The following CTBP2 variants were observed in gnomAD, a reference collection of about 807,000 sequenced individuals.
CTBP2 encodes C-terminal binding protein 2.
CTBP2 carries 30 observed loss-of-function variants against 80.3 expected under a neutral mutation model. The ratio of observed to expected loss-of-function variants is 0.37; its 90% CI spans 0.28 to 0.51. The LOEUF is 0.51. Ranked by LOEUF, CTBP2 falls within the 20% of genes least tolerant of loss-of-function variation. CTBP2 has a pLI of 0.93. For missense variants in CTBP2, 1,212 were observed against 1,375.3 expected, an observed-to-expected ratio of 0.88 and a Z score of 1.88; for synonymous variants, 594 against 587.4, an observed-to-expected ratio of 1.01 and a Z score of -0.16.
upstream of CTBP2, among the ~76,000 whole-genome samples, chr10:125,029,685 GGT>G (rs1367330553): frequency 6.6e-6 from 1 of 152,178 alleles, no homozygotes; most frequent in African/African-American, 2.4e-5. Context: ...CTCAAAGATG[GGT>G]GGATAAACTT....
chr10:125,135,657 C>T (rs1856864838), intron 1 of CTBP2, among the ~76,000 whole-genome samples: 1 of 152,214 alleles, frequency 6.6e-6, no homozygotes, highest in Non-Finnish European at 1.5e-5. Flanking sequence ...GGCACCTCAC[C>T]CTATGGAGCT....
At chr10:125,011,856 G>A (rs1300475503) in intron 1 of CTBP2, among the ~76,000 whole-genome samples, 1 of 152,240 alleles carries the variant, frequency 6.6e-6, no homozygotes, top group African/African-American at 2.4e-5. Context: ...AGGCACTGGT[G>A]GCTTTTTGGA....
At position 125,038,967 on chromosome 10, in the gene CTBP2, T is replaced by A. The variant is rs142112519; in HGVS notation, c.58+30A>T. On this transcript the variant is annotated intron_variant, in intron 3 of 10. Coordinates refer to the CTBP2 transcript ENST00000337195. ...AGATTTGAGTGAGGGACTACGTATG[T>A]TTGGTAAAAACCGCCAAACACGCTC... 1.5e-5 allele frequency: 24 copies of A among 1,610,192 alleles called. No individual in the cohort carries two copies. The East Asian group carries it at 5.1e-4, about 34-fold the overall frequency.
rs530234869 is a variant in CTBP2 at position 124,995,072 on chromosome 10, A to C, written c.2186-389T>G. ...TTCTTGTGTGCACTGCAGGCTTCTT[A>C]ACATGAGCTTTGTGTTTGAAAAACT... On this transcript the variant is annotated intron_variant, in intron 4 of 8. Transcript: ENST00000309035. Among the ~76,000 whole-genome samples the C allele has an allele frequency of 1.9e-4, 29 of 152,282 alleles. No homozygotes were observed. The South Asian group carries it at 5.6e-3, about 29-fold the overall frequency.
At chr10:125,003,766 C>T (rs756552146) in intron 1 of CTBP2, among the ~76,000 whole-genome samples, 4 of 152,174 alleles carry the variant, frequency 2.6e-5, no homozygotes, top group Non-Finnish European at 5.9e-5. Context: ...CATGGGGCCC[C>T]GAGGCCAGCA....
chr10:125,141,877 C>T (rs1225181723), intron 1 of CTBP2, among the ~76,000 whole-genome samples: 2 of 152,242 alleles, frequency 1.3e-5, no homozygotes, highest in African/African-American at 2.4e-5. Flanking sequence ...TCCAAAGCCA[C>T]TTCCCCCACA....
chr10:124,997,935 TG>T (rs766676059), intron 4 of CTBP2, 28 bp downstream of exon 6: 3 of 1,595,046 alleles, frequency 1.9e-6, no homozygotes, highest in South Asian at 1.1e-5. Context: ...TCGGAGGGGT[TG>T]GGGGTCAGCG....
At chr10:124,996,054 T>TTTG (rs1554952390) in intron 4 of CTBP2, 17 of 150,396 alleles carry the variant, frequency 1.1e-4, no homozygotes, top group African/African-American at 4.2e-4. Context: ...CTTTGTTTTT[T>TTTG]TTTTTTTTTT....
intron 1 of CTBP2, among the ~76,000 whole-genome samples, chr10:125,114,593 G>A (rs1852890845): frequency 6.6e-6 from 1 of 152,148 alleles, no homozygotes; most frequent in South Asian, 2.1e-4. Flanking sequence ...TAGGTCTGTA[G>A]TGAATAAATC....
chr10:125,161,827 G>A (rs1409956296), upstream of CTBP2, among the ~76,000 whole-genome samples: 1 of 152,240 alleles, frequency 6.6e-6, no homozygotes, highest in East Asian at 1.9e-4. Flanking sequence ...TGCGGCGTGG[G>A]GGCCCGCGAC....
chr10:125,109,798 T>G (rs961685593), intron 2 of CTBP2, among the ~76,000 whole-genome samples: 3 of 152,222 alleles, frequency 2.0e-5, no homozygotes, highest in Admixed American at 6.5e-5. Context: ...ACCAGCCCAA[T>G]CCACCTGTTC....
chr10:125,119,599 A>G (rs1564965132), intron 1 of CTBP2, among the ~76,000 whole-genome samples: 1 of 152,252 alleles, frequency 6.6e-6, no homozygotes, highest in East Asian at 1.9e-4. Context: ...CATGTATTCA[A>G]ATCTCACATA....
rs780720474 is a variant in CTBP2, at chr10:124,989,634, G to A, written c.2842C>T (p.Pro948Ser). The stretch of plus-strand genomic sequence containing the variant: ...TTGTGAGTCACTGGGATGCCTCCAG[G>A]GATGATCCCTTCCATGGCTGCAGGA... The change falls in exon 9 of 9, where the codon CCT becomes TCT. Residue 948 changes from proline to serine, a missense_variant. Pro to Ser is a moderately conservative substitution (Grantham distance 74). This residue lies in a region of CTBP2 where 335 missense variants were observed against 504.7 expected (regional missense o/e 0.66). Transcript: ENST00000309035. 6.2e-6 allele frequency: 10 copies of A among 1,610,622 alleles called. No homozygotes were observed. Among genetic ancestry groups the A allele is most frequent in the African/African-American group, 5.3e-5 (4 of 74,868 alleles).
At chr10:125,016,038 G>A (rs1956445933) in intron 1 of CTBP2, among the ~76,000 whole-genome samples, 1 of 150,952 alleles carries the variant, frequency 6.6e-6, no homozygotes. Flanking sequence ...CCGGATCCCT[G>A]CACCTCACAA....
At chr10:125,109,692 C>G (rs1321845575) in intron 2 of CTBP2, among the ~76,000 whole-genome samples, 1 of 152,226 alleles carries the variant, frequency 6.6e-6, no homozygotes, top group African/African-American at 2.4e-5. Context: ...TCTGCTATGG[C>G]CTTTGGCCCA....
chr10:125,084,192 C>G (rs199825705), intron 2 of CTBP2, among the ~76,000 whole-genome samples: 1 of 152,096 alleles, frequency 6.6e-6, no homozygotes, highest in African/African-American at 2.4e-5. Context: ...TGAGCTCAAG[C>G]AATCCTCCTG....
At chr10:124,991,228 G>T (rs1239254194) in intron 8 of CTBP2, among the ~76,000 whole-genome samples, 1 of 152,196 alleles carries the variant, frequency 6.6e-6, no homozygotes, top group Non-Finnish European at 1.5e-5. Context: ...GGTAGAGGAG[G>T]AGGCATCTCA....
chr10:125,079,080 A>G (rs57727064), intron 2 of CTBP2, among the ~76,000 whole-genome samples: 22,196 of 149,524 alleles, frequency 0.15, 1,768 homozygotes, highest in Middle Eastern at 0.24. Context: ...CCAGGAGGCA[A>G]AGGTTGCAGT....
intron 2 of CTBP2, among the ~76,000 whole-genome samples, chr10:125,102,170 G>A (rs895198808): frequency 6.6e-6 from 1 of 152,214 alleles, no homozygotes; most frequent in Non-Finnish European, 1.5e-5. Context: ...ACTAGGCTCA[G>A]AGGGGCATAG....
Sources: allele counts gnomAD v4.1 joint callset (sites outside exome capture counted in the v4.1 genomes callset), GRCh38; gene constraint gnomAD v4.1.1; regional missense constraint gnomAD v4.1.1; transcripts MANE v1.5; gene names NCBI Gene and HGNC (gene_info 2026-07-23, HGNC 2026-07-21).